DDAH1: variants seen among roughly 807,000 people sequenced by gnomAD.
The protein encoded by DDAH1 is N(G),N(G)-dimethylarginine dimethylaminohydrolase 1.
Under a neutral mutation model 28.8 loss-of-function variants are expected in DDAH1, and 19 were observed. That is an observed-to-expected ratio of 0.66 (90% CI 0.46 to 0.97). The LOEUF is 0.97. Among genes scored for constraint, DDAH1 ranks in the 50% least tolerant of loss-of-function variants. The probability of loss-of-function intolerance (pLI) is 0.00; values close to 1 mark genes in which losing one functional copy is unlikely to be tolerated. For synonymous variants in DDAH1, 153 were observed against 154.4 expected (o/e 0.99, Z 0.07); for missense variants, 326 against 375.9 (o/e 0.87, Z 1.10).
At chr1:85,574,891 CTA>C (rs66578208) in intron 1 of DDAH1, among the ~76,000 whole-genome samples, 17 of 149,494 alleles carry the variant, frequency 1.1e-4, no homozygotes, top group Admixed American at 2.0e-4. Flanking sequence ...CTCTCTCTCT[CTA>C]TATATATATA....
chr1:85,465,978 G>A (rs1286368987), upstream of DDAH1, among the ~76,000 whole-genome samples: 1 of 152,232 alleles, frequency 6.6e-6, no homozygotes, highest in Non-Finnish European at 1.5e-5. Context: ...TGTTCCAGAT[G>A]CTGGGCCTCT....
intron 1 of DDAH1, among the ~76,000 whole-genome samples, chr1:85,549,549 T>C (rs946275544): frequency 6.6e-6 from 1 of 152,240 alleles, no homozygotes; most frequent in African/African-American, 2.4e-5. Flanking sequence ...TCATCTCTGC[T>C]TCCATCATCA....
chr1:85,422,638 A>G (rs78249145), intron 1 of DDAH1, among the ~76,000 whole-genome samples: 1 of 152,262 alleles, frequency 6.6e-6, no homozygotes, highest in African/African-American at 2.4e-5. Context: ...TTCCAGCAAC[A>G]ATTGTTGAAA....
chr1:85,421,158 C>T (rs1477003202), intron 1 of DDAH1, among the ~76,000 whole-genome samples: 1 of 152,144 alleles, frequency 6.6e-6, no homozygotes, highest in Non-Finnish European at 1.5e-5. Flanking sequence ...CCCCATGATC[C>T]AATCACCTCC....
intron 4 of DDAH1, among the ~76,000 whole-genome samples, chr1:85,342,387 A>AGTGTGTGTGTGT (rs58992773): frequency 5.4e-5 from 8 of 147,978 alleles, no homozygotes; most frequent in Non-Finnish European, 1.2e-4. Context: ...TTTTTCTATG[A>AGTGTGTGTGTGT]GTGTGTGTGT....
chr1:85,457,789 G>A (rs36104818), intron 1 of DDAH1, among the ~76,000 whole-genome samples: 35,373 of 152,098 alleles, frequency 0.23, 4,351 homozygotes, highest in Middle Eastern at 0.33. Flanking sequence ...TTCTCGTTTC[G>A]AGTGAGTGTC....
chr1:85,522,518 C>T (rs1657726633), intron 1 of DDAH1, among the ~76,000 whole-genome samples: 1 of 150,178 alleles, frequency 6.7e-6, no homozygotes, highest in Admixed American at 6.7e-5. Flanking sequence ...CATAGTTAAC[C>T]AAACATTTGA....
chr1:85,507,731 C>T (rs1036704812), intron 1 of DDAH1, among the ~76,000 whole-genome samples: 52 of 152,142 alleles, frequency 3.4e-4, no homozygotes, highest in African/African-American at 1.2e-3. Flanking sequence ...TTGAAGTTCT[C>T]GTATTGGGTT....
chr1:85,545,970 T>C (rs1283588386), intron 1 of DDAH1, among the ~76,000 whole-genome samples: 2 of 152,106 alleles, frequency 1.3e-5, no homozygotes, highest in African/African-American at 4.8e-5. Flanking sequence ...ACTTTCTTAT[T>C]TGTATCAATG....
At chr1:85,334,688 C>A (rs953472843) in intron 4 of DDAH1, among the ~76,000 whole-genome samples, 1 of 152,194 alleles carries the variant, frequency 6.6e-6, no homozygotes, top group Non-Finnish European at 1.5e-5. Context: ...CCCAGCCATG[C>A]CTCTTGTACA....
chr1:85,495,512 C>T (rs1355603006), intron 2 of DDAH1: 1 of 152,222 alleles, frequency 6.6e-6, no homozygotes, highest in Non-Finnish European at 1.5e-5. Flanking sequence ...GACTTGTAGG[C>T]ATCCAGTGAG....
intron 1 of DDAH1, among the ~76,000 whole-genome samples, chr1:85,443,161 T>G (rs1434672976): frequency 2.6e-5 from 4 of 152,222 alleles, no homozygotes. Context: ...TGGTTTTAGG[T>G]CTAACATTTA....
intron 1 of DDAH1, among the ~76,000 whole-genome samples, chr1:85,386,848 G>T (rs987149884): frequency 6.6e-6 from 1 of 152,194 alleles, no homozygotes; most frequent in African/African-American, 2.4e-5. Context: ...AAGCTGCCAA[G>T]CCTCCATCAC....
intron 1 of DDAH1, among the ~76,000 whole-genome samples, chr1:85,403,244 T>TAG (rs149464963): frequency 3.3e-5 from 5 of 150,164 alleles, no homozygotes; most frequent in East Asian, 3.9e-4. Context: ...TGTGTATATA[T>TAG]ACACACACAC....
intron 1 of DDAH1, among the ~76,000 whole-genome samples, chr1:85,566,774 A>ATG (rs147913088): frequency 1.3e-4 from 19 of 151,550 alleles, no homozygotes; most frequent in Admixed American, 2.6e-4. Context: ...GTATGTATAT[A>ATG]TGTGTGTGTG....
intron 1 of DDAH1, among the ~76,000 whole-genome samples, chr1:85,393,754 T>C (rs1651674538): frequency 6.6e-6 from 1 of 152,214 alleles, no homozygotes; most frequent in African/African-American, 2.4e-5. Context: ...TAGATCTCAG[T>C]TGTGTGCTTT....
intron 1 of DDAH1, among the ~76,000 whole-genome samples, chr1:85,415,279 C>G (rs7532994): frequency 0.99 from 150,314 of 152,274 alleles, 74,221 homozygotes; most frequent in East Asian, 1. Flanking sequence ...CTCCCAAAGT[C>G]TTGGGATTAC....
intron 1 of DDAH1, among the ~76,000 whole-genome samples, chr1:85,390,590 G>A (rs1359480905): frequency 6.6e-6 from 1 of 152,136 alleles, no homozygotes; most frequent in Non-Finnish European, 1.5e-5. Flanking sequence ...TACCCAAAGA[G>A]GGCATGGGGT....
chr1:85,338,027 A>G (rs1244250797), intron 4 of DDAH1, among the ~76,000 whole-genome samples: 3 of 152,250 alleles, frequency 2.0e-5, no homozygotes, highest in Non-Finnish European at 4.4e-5. Context: ...GGATGGGACC[A>G]GACAAACTTC....
Sources: allele counts gnomAD v4.1 joint callset (sites outside exome capture counted in the v4.1 genomes callset), GRCh38; gene constraint gnomAD v4.1.1; transcripts MANE v1.5; gene names NCBI Gene and HGNC (gene_info 2026-07-23, HGNC 2026-07-21).